The following CSMD1 variants were observed in gnomAD, a reference collection of about 807,000 sequenced individuals.
CSMD1 encodes CUB and Sushi multiple domains 1, also known as CUB and sushi domain-containing protein 1.
A neutral mutation model predicts 417.5 loss-of-function variants in CSMD1; 213 were observed. The ratio of observed to expected loss-of-function variants is 0.51; its 90% CI spans 0.46 to 0.57. The LOEUF (loss-of-function observed/expected upper bound fraction) is 0.57, where lower values mean the gene tolerates loss of function less well. CSMD1 is among the 20% of genes least tolerant of loss of function. The probability of loss-of-function intolerance (pLI) is 0.00; values close to 1 mark genes in which losing one functional copy is unlikely to be tolerated. For synonymous variants in CSMD1, 2,862 were observed against 1,736.8 expected (o/e 1.65, Z -16.11); for missense variants, 6,923 against 4,529.7 (o/e 1.53, Z -15.17).
chr8:4,229,239 C>G (rs988961137), intron 3 of CSMD1, among the ~76,000 whole-genome samples: 1 of 152,158 alleles, frequency 6.6e-6, no homozygotes, highest in Non-Finnish European at 1.5e-5. Context: ...TTGGCTAGTC[C>G]TACTCAAAAG....
chr8:4,309,051 T>C (rs1321764805), intron 3 of CSMD1, among the ~76,000 whole-genome samples: 7 of 152,172 alleles, frequency 4.6e-5, no homozygotes, highest in Non-Finnish European at 2.9e-5. Flanking sequence ...TTCACACCTA[T>C]ATTACTTTTT....
intron 25 of CSMD1, among the ~76,000 whole-genome samples, chr8:3,300,126 G>T: frequency 6.6e-6 from 1 of 152,130 alleles, no homozygotes; most frequent in East Asian, 1.9e-4. Context: ...ATACTATCCG[G>T]TAACTAAATA....
chr8:4,834,900 T>G (rs1800372603), intron 1 of CSMD1, among the ~76,000 whole-genome samples: 1 of 130,470 alleles, frequency 7.7e-6, no homozygotes, highest in Admixed American at 9.6e-5. Flanking sequence ...GAGCTTGCAG[T>G]GATCTGAGAT....
intron 1 of CSMD1, among the ~76,000 whole-genome samples, chr8:4,840,030 G>C (rs889588137): frequency 3.9e-5 from 6 of 152,116 alleles, no homozygotes; most frequent in African/African-American, 7.2e-5. Flanking sequence ...CAAAAGCCTG[G>C]TTTGGGGTTC....
At chr8:4,838,855 C>T (rs1449708288) in intron 1 of CSMD1, among the ~76,000 whole-genome samples, 3 of 152,334 alleles carry the variant, frequency 2.0e-5, no homozygotes, top group South Asian at 4.1e-4. Flanking sequence ...GTTTCTCTTG[C>T]TCTATCTCCA....
intron 5 of CSMD1, among the ~76,000 whole-genome samples, chr8:3,869,759 C>T (rs1049291626): frequency 3.9e-5 from 6 of 152,038 alleles, no homozygotes; most frequent in South Asian, 2.1e-4. Context: ...GCAGGCAACA[C>T]GGGGCCAGGG....
At chr8:4,621,328 T>A (rs554712714) in intron 2 of CSMD1, among the ~76,000 whole-genome samples, 2 of 152,220 alleles carry the variant, frequency 1.3e-5, no homozygotes, top group Admixed American at 6.5e-5. Flanking sequence ...AGGTGTGGAA[T>A]TTTCCACTTA....
intron 17 of CSMD1, among the ~76,000 whole-genome samples, chr8:3,394,004 A>ATAAAAT (rs33927495): frequency 0.34 from 10,272 of 30,432 alleles, 1,931 homozygotes; most frequent in South Asian, 0.4. Flanking sequence ...TAATAATAAA[A>ATAAAAT]AAATAAATTA....
chr8:3,307,593 AG>A, intron 25 of CSMD1, 101 bp downstream of exon 25: 3 of 1,324,048 alleles, frequency 2.3e-6, no homozygotes, highest in Non-Finnish European at 3.1e-6. Context: ...TCTTTAGTTC[AG>A]AAACTTTAAC....
chr8:4,903,776 G>C (rs534565927), intron 1 of CSMD1, among the ~76,000 whole-genome samples: 1 of 152,174 alleles, frequency 6.6e-6, no homozygotes, highest in African/African-American at 2.4e-5. Flanking sequence ...AGGACCTGGA[G>C]TCTTCTTAGC....
At chr8:2,991,674 G>A (rs11784169) in intron 54 of CSMD1, among the ~76,000 whole-genome samples, 2,182 of 152,206 alleles carry the variant, frequency 0.014, 18 homozygotes, top group Non-Finnish European at 0.022. Flanking sequence ...GCAAAAATGC[G>A]AGTGAATATG....
chr8:4,930,979 A>C (rs1318565776), intron 1 of CSMD1, among the ~76,000 whole-genome samples: 2 of 152,216 alleles, frequency 1.3e-5, no homozygotes, highest in Non-Finnish European at 2.9e-5. Context: ...ATTTAAAAAT[A>C]AAAACAGTAA....
rs554899709 is a variant in CSMD1, at chr8:4,064,648, T to C, written c.416-32549A>G. Among the ~76,000 whole-genome samples the C allele has an allele frequency of 9.8e-5, 15 of 152,336 alleles. No homozygotes were observed. In the East Asian group the frequency reaches 1.7e-3, roughly 18 times the overall value. Reference sequence around the variant, plus strand: ...TGTGCCTTCACATACATGGTTTCTATGGCAGGTACACTCTGTATTCTCCCC... The same window carrying C: ...TGTGCCTTCACATACATGGTTTCTACGGCAGGTACACTCTGTATTCTCCCC... On this transcript the variant is annotated intron_variant, in intron 3 of 69. Transcript: ENST00000635120.
chr8:3,304,688 T>TA (rs1804681469), intron 25 of CSMD1, among the ~76,000 whole-genome samples: 1 of 151,436 alleles, frequency 6.6e-6, no homozygotes, highest in African/African-American at 2.4e-5. Flanking sequence ...GTTCATGCAA[T>TA]AAAAACTGCA....
intron 5 of CSMD1, among the ~76,000 whole-genome samples, chr8:3,756,555 A>C (rs1469894676): frequency 6.6e-6 from 1 of 152,168 alleles, no homozygotes; most frequent in East Asian, 1.9e-4. Context: ...AAATATATAC[A>C]TAGCTAATAG....
At chr8:3,945,735 G>A (rs897532028) in intron 5 of CSMD1, among the ~76,000 whole-genome samples, 2 of 152,120 alleles carry the variant, frequency 1.3e-5, no homozygotes, top group South Asian at 2.1e-4. Context: ...GGTTACTAGG[G>A]GATAGAAAAC....
intron 10 of CSMD1, among the ~76,000 whole-genome samples, chr8:3,572,008 A>T (rs1010814): frequency 0.46 from 69,586 of 151,972 alleles, 16,859 homozygotes; most frequent in African/African-American, 0.61. Context: ...CATTCATTTG[A>T]CTTCAAAAGA....
At chr8:4,464,304 C>A (rs1346396302) in intron 2 of CSMD1, among the ~76,000 whole-genome samples, 8 of 151,950 alleles carry the variant, frequency 5.3e-5, no homozygotes, top group Non-Finnish European at 8.8e-5. Context: ...ATGCAATGGA[C>A]AGACGCTCTT....
At chr8:3,949,389 C>A (rs1430861066) in intron 5 of CSMD1, among the ~76,000 whole-genome samples, 3 of 152,184 alleles carry the variant, frequency 2.0e-5, no homozygotes, top group Admixed American at 2.0e-4. Flanking sequence ...AACCACTTTA[C>A]TTCTCAGACT....
Sources: allele counts gnomAD v4.1 joint callset (sites outside exome capture counted in the v4.1 genomes callset), GRCh38; gene constraint gnomAD v4.1.1; transcripts MANE v1.5; gene names NCBI Gene and HGNC (gene_info 2026-07-23, HGNC 2026-07-21).